Variants in VMAC observed in about 807,000 individuals in gnomAD.
VMAC encodes vimentin-type intermediate filament-associated coiled-coil protein.
A neutral mutation model predicts 4.8 loss-of-function variants in VMAC; 8 were observed. The ratio of observed to expected loss-of-function variants is 1.68; its 90% CI spans 0.99 to 3.03. The LOEUF is 3.03. VMAC is among the 30% of genes most tolerant of loss of function. The pLI is 0.00. For missense variants in VMAC, 248 were observed against 245.1 expected (o/e 1.01, Z -0.08); for synonymous variants, 96 against 113.7 (o/e 0.84, Z 0.99).
chr19:5,909,188 C>T lies in VMAC; in HGVS notation c.*46C>T, dbSNP rs375210531. ...AATGGAGACAGAAAGCCACTGCTGT[C>T]AGTGTCCTTGGGAGTCACCAGCACC... On this transcript the variant is annotated 3_prime_UTR_variant, in exon 2 of 2. Coordinates refer to ENST00000339485, the MANE Select transcript of VMAC (RefSeq NM_001017921.4). 144 of 1,519,448 alleles carry T rather than the reference C, an allele frequency of 9.5e-5. No individual in the cohort carries two copies. The highest frequency in any genetic ancestry group is 1.2e-4 in the Non-Finnish European group (138 of 1,140,454). The allele number at this position is 1,519,448 out of a possible 1,614,324, so 94.1% of individuals were successfully genotyped here. A position where few individuals can be genotyped will look rare whatever the true frequency, so the allele number is the denominator to read the frequency against.
Position 5,905,090 on chromosome 19 carries a change from CG to C in VMAC, c.191+13del, listed in dbSNP as rs776037373. On this transcript the variant is annotated intron_variant, in intron 1 of 1. Coordinates refer to ENST00000339485, the MANE Select transcript of VMAC (RefSeq NM_001017921.4). ...GGTCGCGCCAAGGACCGGTGAGGCCCGGGGCCGGCCAGGTGGACTTCACCGA... is the reference window on the plus strand; with the variant it reads ...GGTCGCGCCAAGGACCGGTGAGGCCCGGGCCGGCCAGGTGGACTTCACCGA... 4.5e-6 allele frequency: 6 copies of C among 1,339,772 alleles called. No homozygotes were observed. In the East Asian group the frequency reaches 1.2e-4, roughly 28 times the overall value. The allele number at this position is 1,339,772 out of a possible 1,614,324, so 83.0% of individuals were successfully genotyped here.
In VMAC at chr19:5,909,008, C is replaced by T. The variant is rs1443275616; in HGVS notation, c.376C>T (p.Arg126Cys). The change falls in exon 2 of 2, where the codon CGC becomes TGC. Residue 126 changes from arginine (R) to cysteine (C), a missense_variant. Physicochemically the swap from Arg to Cys is radical, Grantham distance 180. Coordinates refer to ENST00000339485, the MANE Select transcript of VMAC (RefSeq NM_001017921.4). ...GLLDALAEAERLGPLPASDPG... is the reference protein window; with the variant it reads ...GLLDALAEAECLGPLPASDPG... ...GCTGGATGCCCTGGCTGAGGCTGAGCGCCTGGGGCCCCTGCCGGCCAGTGA... is the reference window on the plus strand; with the variant it reads ...GCTGGATGCCCTGGCTGAGGCTGAGTGCCTGGGGCCCCTGCCGGCCAGTGA... 3.8e-6 allele frequency: 6 copies of T among 1,597,066 alleles called. No homozygotes were observed. Among genetic ancestry groups the T allele is most frequent in the South Asian group, 3.3e-5 (3 of 89,742 alleles).
chr19:5,907,017 A>G (rs1039551250), intron 1 of VMAC, among the ~76,000 whole-genome samples: 4 of 152,128 alleles, frequency 2.6e-5, no homozygotes, highest in Non-Finnish European at 4.4e-5. Flanking sequence ...ACAGAGAGAG[A>G]CTCTGTCTCA....
intron 1 of VMAC, among the ~76,000 whole-genome samples, chr19:5,907,276 C>T (rs1481289424): frequency 6.6e-6 from 1 of 152,048 alleles, no homozygotes; most frequent in African/African-American, 2.4e-5. Context: ...CCCTGACAAC[C>T]TCATCTAACC....
intron 1 of VMAC, among the ~76,000 whole-genome samples, chr19:5,907,799 G>T (rs960766047): frequency 6.6e-6 from 1 of 151,208 alleles, no homozygotes; most frequent in Non-Finnish European, 1.5e-5. Context: ...CAATAAGGGA[G>T]ATCTGATGGT....
rs1306551551 is a variant in VMAC, at chr19:5,908,057, A to T, written c.192-767A>T. On this transcript the variant is annotated intron_variant, in intron 1 of 1. Coordinates refer to ENST00000339485, the MANE Select transcript of VMAC (RefSeq NM_001017921.4). This position sits in a 1 kb window ranked among gnomAD's most constrained non-coding sequence, Gnocchi z 4.5. ...GAATTTTGGGGAGACAGAAAGATGC[A>T]GTTCAGGCTGGGTACAGTGGCTCAG... Among the ~76,000 whole-genome samples, 1 of 152,202 alleles carries T rather than the reference A, an allele frequency of 6.6e-6. No individual in the cohort carries two copies. Among genetic ancestry groups the T allele is most frequent in the South Asian group, 2.1e-4 (1 of 4,834 alleles).
At chr19:5,905,191 C>T in intron 1 of VMAC, 110 bp downstream of exon 1, 1 of 1,148,712 alleles carries the variant, frequency 8.7e-7, no homozygotes, top group Non-Finnish European at 1.1e-6. Flanking sequence ...TGTATAGACG[C>T]TAGACTGAGT....
chr19:5,907,155 C>T (rs565612215), intron 1 of VMAC, among the ~76,000 whole-genome samples: 10 of 152,270 alleles, frequency 6.6e-5, no homozygotes, highest in African/African-American at 2.2e-4. Context: ...GGCCCTCTTC[C>T]GGGCTTGCAG....
At chr19:5,907,613 A>AAAAAAAAAAAAAAAAAAAAAAAAC (rs2057683386) in intron 1 of VMAC, among the ~76,000 whole-genome samples, 1 of 115,612 alleles carries the variant, frequency 8.6e-6, no homozygotes, top group Non-Finnish European at 1.8e-5. Flanking sequence ...TCTCTACTAA[A>AAAAAAAAAAAAAAAAAAAAAAAAC]AAAAAAAAAA....
At chr19:5,906,698 G>T (rs929510884) in intron 1 of VMAC, among the ~76,000 whole-genome samples, 6 of 152,202 alleles carry the variant, frequency 3.9e-5, no homozygotes, top group African/African-American at 1.4e-4. Flanking sequence ...ACTGCAGGAA[G>T]AGTGAGGGGA....
In VMAC at chr19:5,909,046, AC is replaced by A. The variant is rs1568435695; in HGVS notation, c.420del (p.Gly141ValfsTer80). The A allele has an allele frequency of 1.9e-6, 3 of 1,566,528 alleles. No homozygotes were observed. Among genetic ancestry groups the A allele is most frequent in the South Asian group, 2.3e-5 (2 of 87,020 alleles). On this transcript the variant is annotated frameshift_variant, in exon 2 of 2. Transcript: ENST00000339485. LOFTEE classifies it high-confidence loss of function. ...PLPASDPGHPPPGGPGPPLDN... is the reference protein window; with the variant it reads ...PLPASDPGHPXPGGPGPPLDN... ...TGCCGGCCAGTGACCCCGGCCACCC[AC>A]CCCCCGGTGGGCCTGGTCCACCCCT...
In VMAC at chr19:5,908,789, A is replaced by G; in HGVS notation, c.192-35A>G. 6.2e-7 allele frequency: 1 copy of G among 1,607,950 alleles called. No homozygotes were observed. The highest frequency in any genetic ancestry group is 8.5e-7 in the Non-Finnish European group (1 of 1,177,334). ...GGGAGGAGCAGGTGCTGTGGTCCTCAGTTCTGTAATCACCTCCTCTTGCCT... is the reference window on the plus strand; with the variant it reads ...GGGAGGAGCAGGTGCTGTGGTCCTCGGTTCTGTAATCACCTCCTCTTGCCT... On this transcript the variant is annotated intron_variant, in intron 1 of 1. Transcript: ENST00000339485. The surrounding 1 kb of genome is among the most constrained non-coding windows in gnomAD (Gnocchi z 4.5).
intron 1 of VMAC, among the ~76,000 whole-genome samples, chr19:5,906,072 C>T (rs972294271): frequency 1.3e-5 from 2 of 151,968 alleles, no homozygotes; most frequent in African/African-American, 4.8e-5. Flanking sequence ...GCAGTCTCAC[C>T]CTCCCTCCTC....
chr19:5,906,734 T>C (rs2057680211), intron 1 of VMAC, among the ~76,000 whole-genome samples: 1 of 152,130 alleles, frequency 6.6e-6, no homozygotes, highest in Admixed American at 6.5e-5. Flanking sequence ...CATAAGAAAA[T>C]GCCATAAACT....
At position 5,908,785 on chromosome 19, in the gene VMAC, C is replaced by T. The variant is rs753136334; in HGVS notation, c.192-39C>T. On this transcript the variant is annotated intron_variant, in intron 1 of 1. Coordinates refer to ENST00000339485, the MANE Select transcript of VMAC (RefSeq NM_001017921.4). This position sits in a 1 kb window ranked among gnomAD's most constrained non-coding sequence, Gnocchi z 4.5. The stretch of plus-strand genomic sequence containing the variant: ...AGCAGGGAGGAGCAGGTGCTGTGGT[C>T]CTCAGTTCTGTAATCACCTCCTCTT... 3.7e-6 allele frequency: 6 copies of T among 1,606,982 alleles called. No homozygotes were observed. In the East Asian group the frequency reaches 8.9e-5, roughly 24 times the overall value.
In VMAC at chr19:5,909,220, G is replaced by A. The variant is rs1210802544; in HGVS notation, c.*78G>A. 1.7e-5 allele frequency: 25 copies of A among 1,465,342 alleles called. No homozygotes were observed. The highest frequency in any genetic ancestry group is 2.3e-5 in the Non-Finnish European group (25 of 1,104,322). The allele number at this position is 1,465,342 out of a possible 1,614,324, so 90.8% of individuals were successfully genotyped here. A position where few individuals can be genotyped will look rare whatever the true frequency, so the allele number is the denominator to read the frequency against. ...CTTGGGAGTCACCAGCACCCTGCAG[G>A]GGGACCCTACGGCAGAGCCAAAGTC... On this transcript the variant is annotated 3_prime_UTR_variant, in exon 2 of 2. Transcript: ENST00000339485.
chr19:5,906,483 C>A (rs1202903814), intron 1 of VMAC, among the ~76,000 whole-genome samples: 1 of 152,238 alleles, frequency 6.6e-6, no homozygotes, highest in Non-Finnish European at 1.5e-5. Context: ...CTGCTGAGTA[C>A]TGGAGCACAT....
chr19:5,905,640 C>CT (rs555738617), intron 1 of VMAC, among the ~76,000 whole-genome samples: 32 of 151,986 alleles, frequency 2.1e-4, no homozygotes, highest in African/African-American at 6.3e-4. Flanking sequence ...AGGCTGGTCT[C>CT]TAACTCCTGA....
chr19:5,905,839 C>T (rs1260223678), intron 1 of VMAC, among the ~76,000 whole-genome samples: 1 of 152,118 alleles, frequency 6.6e-6, no homozygotes. Context: ...GGACTACAGG[C>T]GTCCACCACC....
Sources: allele counts gnomAD v4.1 joint callset (sites outside exome capture counted in the v4.1 genomes callset), GRCh38; gene constraint gnomAD v4.1.1; non-coding constraint Gnocchi (gnomAD v3.1); transcripts MANE v1.5; gene names NCBI Gene and HGNC (gene_info 2026-07-23, HGNC 2026-07-21).